Variants in MYO9B observed in about 807,000 individuals in gnomAD.
MYO9B encodes unconventional myosin-IXb.
MYO9B carries 71 observed loss-of-function variants against 229.5 expected under a neutral mutation model. That is an observed-to-expected ratio of 0.31 (90% CI 0.26 to 0.38). The LOEUF is 0.38. Among genes scored for constraint, MYO9B ranks in the 10% least tolerant of loss-of-function variants. The probability of loss-of-function intolerance (pLI) is 1.00; values close to 1 mark genes in which losing one functional copy is unlikely to be tolerated. For missense variants in MYO9B, 2,255 were observed against 2,920.5 expected (o/e 0.77, Z 5.25); for synonymous variants, 1,185 against 1,235.8 (o/e 0.96, Z 0.86).
chr19:17,111,151 C>G (rs1437603984), intron 2 of MYO9B, among the ~76,000 whole-genome samples: 2 of 152,200 alleles, frequency 1.3e-5, no homozygotes, highest in Non-Finnish European at 2.9e-5. Context: ...GGATGCCAGC[C>G]TCCACCCAGC....
At position 17,202,891 on chromosome 19, in the gene MYO9B, G is replaced by C. The variant is rs1461955120; in HGVS notation, c.4878+8G>C. On this transcript the variant is annotated splice_region_variant and intron_variant, in intron 29 of 39. Coordinates refer to ENST00000682292, the MANE Select transcript of MYO9B (RefSeq NM_004145.4). ...CGGAAGCAGGAGCGTGCTGTGAGTA[G>C]GCTGCACATAGATGAGAGTCCGAGC... The C allele has an allele frequency of 3.1e-6, 5 of 1,599,726 alleles. No homozygotes were observed. Among genetic ancestry groups the C allele is most frequent in the Non-Finnish European group, 4.3e-6 (5 of 1,173,208 alleles).
chr19:17,078,348 T>C (rs2057505091), intron 1 of MYO9B, among the ~76,000 whole-genome samples: 1 of 152,132 alleles, frequency 6.6e-6, no homozygotes, highest in Non-Finnish European at 1.5e-5. Context: ...AAGACCAGCC[T>C]GACCAATATG....
At chr19:17,159,282 G>C in intron 7 of MYO9B, 113 bp from the exon 8 acceptor site, 1 of 908,578 alleles carries the variant, frequency 1.1e-6, no homozygotes, top group East Asian at 2.7e-5. Flanking sequence ...TGGCTGCTGG[G>C]GGTCCGTCTC....
intron 2 of MYO9B, among the ~76,000 whole-genome samples, chr19:17,119,870 G>A (rs1424378662): frequency 2.0e-5 from 3 of 152,012 alleles, no homozygotes; most frequent in Admixed American, 6.6e-5. Flanking sequence ...GGATGGTCTC[G>A]ATCTCCTAAC....
At chr19:17,117,613 T>C (rs1387102246) in intron 2 of MYO9B, among the ~76,000 whole-genome samples, 1 of 152,146 alleles carries the variant, frequency 6.6e-6, no homozygotes, top group Admixed American at 6.6e-5. Context: ...GGAGAGTGAA[T>C]TACGGCCACC....
intron 11 of MYO9B, among the ~76,000 whole-genome samples, chr19:17,168,774 G>A (rs77954123): frequency 0.032 from 4,924 of 152,180 alleles, 265 homozygotes; most frequent in African/African-American, 0.11. Context: ...TCCAGCCTGG[G>A]CAATGGAGCA....
At chr19:17,089,438 T>C (rs2057615716) in intron 1 of MYO9B, among the ~76,000 whole-genome samples, 1 of 152,226 alleles carries the variant, frequency 6.6e-6, no homozygotes, top group Non-Finnish European at 1.5e-5. Flanking sequence ...ATTATGGCCT[T>C]ATATAAACGA....
At chr19:17,080,856 G>A (rs966080244) in intron 1 of MYO9B, among the ~76,000 whole-genome samples, 6 of 144,874 alleles carry the variant, frequency 4.1e-5, no homozygotes, top group Non-Finnish European at 7.5e-5. Flanking sequence ...GTGACAGAAC[G>A]ACACCCCCAT....
chr19:17,180,886 T>A (rs1362915418), intron 14 of MYO9B, 41 bp from the exon 15 acceptor site: 1 of 1,412,216 alleles, frequency 7.1e-7, no homozygotes, highest in Non-Finnish European at 9.9e-7. Context: ...TCTAACTCCA[T>A]CTTCTTTCTG....
chr19:17,157,029 G>C lies in MYO9B; in HGVS notation c.1320G>C (p.Gln440His). Residue 440 changes from glutamine (Q) to histidine (H), a missense_variant, in exon 7 of 40, where the codon CAG becomes CAC. This residue lies in a region of MYO9B where 220 missense variants were observed against 404.5 expected (regional missense o/e 0.54). Transcript: ENST00000682292. ...CCGAGGTGCTGGACACCCTGTCGCA[G>C]CTTCTGAAGGTACTGATTGCCACCT... ...GPPEVLDTLSQLLKVKREILV... is the reference protein window; with the variant it reads ...GPPEVLDTLSHLLKVKREILV... 1 of 1,613,364 alleles carries C rather than the reference G, an allele frequency of 6.2e-7. No homozygotes were observed. Among genetic ancestry groups the C allele is most frequent in the Non-Finnish European group, 8.5e-7 (1 of 1,179,656 alleles).
chr19:17,130,352 C>T (rs985378416), intron 2 of MYO9B, among the ~76,000 whole-genome samples: 18 of 152,236 alleles, frequency 1.2e-4, no homozygotes, highest in Middle Eastern at 3.4e-3. Context: ...CACGGTGGCT[C>T]ACGCCTGTAA....
At chr19:17,140,141 T>C (rs1411095175) in intron 2 of MYO9B, among the ~76,000 whole-genome samples, 3 of 152,116 alleles carry the variant, frequency 2.0e-5, no homozygotes, top group Non-Finnish European at 4.4e-5. Context: ...TACAGTATTA[T>C]AATCTTATGG....
At chr19:17,150,980 A>G (rs867163052) in intron 3 of MYO9B, among the ~76,000 whole-genome samples, 2 of 138,694 alleles carry the variant, frequency 1.4e-5, no homozygotes, top group African/African-American at 5.1e-5. Context: ...TGCTTGGCAC[A>G]GAGAAAATGA....
intron 2 of MYO9B, among the ~76,000 whole-genome samples, chr19:17,123,911 G>A (rs759496373): frequency 1.3e-5 from 2 of 151,744 alleles, no homozygotes; most frequent in African/African-American, 2.4e-5. Context: ...TTTGAGACAG[G>A]GTCTCACTTT....
rs757289013 is a variant in MYO9B at position 17,202,200 on chromosome 19, C to T, written c.4733C>T (p.Thr1578Ile). ...CAGATCGTCGTCAGCAACCTGGCCA[C>T]TGAGCGTGGCCAGAAGGACACCAAC... ...NYQIVVSNLA[T>I]ERGQKDTNLV... The change falls in exon 28 of 40, where the codon ACT becomes ATT. Residue 1578 changes from threonine (T) to isoleucine (I), a missense_variant. By Grantham distance (89) the Thr-to-Ile change is moderately conservative. This residue lies in a region of MYO9B where 416 missense variants were observed against 605.5 expected (regional missense o/e 0.69). Transcript: ENST00000682292. 1 of 1,613,224 alleles carries T rather than the reference C, an allele frequency of 6.2e-7. No homozygotes were observed. The highest frequency in any genetic ancestry group is 1.3e-5 in the African/African-American group (1 of 74,916).
chr19:17,178,252 A>C (rs1457048879), intron 14 of MYO9B, among the ~76,000 whole-genome samples: 6 of 152,182 alleles, frequency 3.9e-5, no homozygotes. Context: ...TGCATGGAGC[A>C]CAGGGGCTGG....
At chr19:17,179,481 C>T (rs2072831132) in intron 14 of MYO9B, among the ~76,000 whole-genome samples, 1 of 136,606 alleles carries the variant, frequency 7.3e-6, no homozygotes, top group Non-Finnish European at 1.5e-5. Flanking sequence ...GGCTGGAGTG[C>T]AGTGGTGCGA....
At chr19:17,099,021 A>G (rs2057719030) in intron 1 of MYO9B, 1 of 151,830 alleles carries the variant, frequency 6.6e-6, no homozygotes, top group African/African-American at 2.4e-5. Context: ...TCACACCTGT[A>G]ATCCCAGCAC....
At chr19:17,180,869 G>A (rs985122625) in intron 14 of MYO9B, 58 bp from the exon 15 acceptor site, 26 of 1,227,994 alleles carry the variant, frequency 2.1e-5, no homozygotes, top group Non-Finnish European at 2.8e-5. Context: ...GAGGTGGCAG[G>A]CCTGCTTCTA....
Sources: allele counts gnomAD v4.1 joint callset (sites outside exome capture counted in the v4.1 genomes callset), GRCh38; gene constraint gnomAD v4.1.1; regional missense constraint gnomAD v4.1.1; transcripts MANE v1.5; gene names NCBI Gene and HGNC (gene_info 2026-07-23, HGNC 2026-07-21).